The following CDC42BPA variants were observed in gnomAD, a reference collection of about 807,000 sequenced individuals.
CDC42BPA encodes the protein serine/threonine-protein kinase MRCK alpha.
A neutral mutation model predicts 223.5 loss-of-function variants in CDC42BPA; 80 were observed. The observed-to-expected ratio is 0.36, with a 90% CI of 0.30 to 0.43. The LOEUF (loss-of-function observed/expected upper bound fraction) is 0.43. CDC42BPA is among the 20% of genes least tolerant of loss of function. CDC42BPA has a pLI of 1.00. For missense variants in CDC42BPA, 1,743 were observed against 2,099.9 expected (o/e 0.83, Z 3.32); for synonymous variants, 694 against 718.6 (o/e 0.97, Z 0.55).
intron 12 of CDC42BPA, among the ~76,000 whole-genome samples, 154 bp from the exon 13 acceptor site, chr1:227,113,067 G>A (rs1203258595): frequency 2.0e-5 from 3 of 152,134 alleles, no homozygotes; most frequent in East Asian, 1.9e-4. Context: ...AGATATTAAC[G>A]GCATGGTGTC....
At chr1:227,148,211 T>C (rs984953430) in intron 6 of CDC42BPA, among the ~76,000 whole-genome samples, 5 of 152,250 alleles carry the variant, frequency 3.3e-5, no homozygotes, top group African/African-American at 1.2e-4. Flanking sequence ...TCCCAGCACT[T>C]TGGGAAGCCA....
At chr1:227,145,877 A>G (rs1660615864) in intron 7 of CDC42BPA, 140 bp from the exon 8 acceptor site, 1 of 609,670 alleles carries the variant, frequency 1.6e-6, no homozygotes. Context: ...TACTAATACT[A>G]AAGGAATACA....
At chr1:227,030,298 T>G in intron 29 of CDC42BPA, 110 bp downstream of exon 29, 4 of 667,116 alleles carry the variant, frequency 6.0e-6, no homozygotes, top group Non-Finnish European at 1.0e-5. Context: ...AAAATTTTAG[T>G]CGCAGGATAA....
In CDC42BPA at chr1:227,168,497, G is replaced by GTTTTTTTTTTTTGTTTTTTGTT. The variant is rs1553374261; in HGVS notation, c.600-7862_600-7861insAACAAAAAACAAAAAAAAAAAA. 8.7e-5 allele frequency among the ~76,000 whole-genome samples: 7 copies of GTTTTTTTTTTTTGTTTTTTGTT among 80,194 alleles called. 1 individual carries two copies. Among genetic ancestry groups the GTTTTTTTTTTTTGTTTTTTGTT allele is most frequent in the African/African-American group, 3.5e-4 (7 of 20,176 alleles). The allele number at this position is 80,194 out of a possible 152,430, so 52.6% of individuals were successfully genotyped here. ...CTTTTTCATATTTATCTTCCCTGGT[G>GTTTTTTTTTTTTGTTTTTTGTT]TTTTTTTTTTTTTTTTGAGGCAGAG... On this transcript the variant is annotated intron_variant, in intron 5 of 36. Transcript: ENST00000366766.
chr1:227,010,820 G>T, intron 34 of CDC42BPA: 1 of 1,086,940 alleles, frequency 9.2e-7, no homozygotes, highest in Non-Finnish European at 1.2e-6. Context: ...ATTAAGCCAG[G>T]CAAAAGGAAA....
intron 1 of CDC42BPA, among the ~76,000 whole-genome samples, chr1:227,300,272 C>T (rs978816036): frequency 6.6e-6 from 1 of 152,112 alleles, no homozygotes; most frequent in Non-Finnish European, 1.5e-5. Context: ...TTTTAAAGAA[C>T]TAAAAGTATA....
intron 3 of CDC42BPA, among the ~76,000 whole-genome samples, chr1:227,204,041 A>C (rs1167424728): frequency 6.6e-6 from 1 of 152,200 alleles, no homozygotes; most frequent in Non-Finnish European, 1.5e-5. Context: ...CTTATCATTT[A>C]GTAGGAATAA....
intron 34 of CDC42BPA, among the ~76,000 whole-genome samples, chr1:227,005,543 A>G (rs913611985): frequency 6.6e-6 from 1 of 152,218 alleles, no homozygotes; most frequent in African/African-American, 2.4e-5. Context: ...TCTCAAGAAA[A>G]TGTTTTATTG....
rs376321906 is a variant in CDC42BPA, at chr1:227,139,739, T to C, written c.1227A>G (p.Val409=). Residue 409 remains valine, a synonymous_variant, in exon 10 of 37, where the codon GTA becomes GTG. Transcript: ENST00000366766. ...CTCTTAAACAGCTCCGATCAGAAAG[T>C]ACACTGAAGAAAAGAAAAAAAAATG... The part of the protein sequence containing the change: ...FVGFTYTSSC[V]LSDRSCLRVT... 2 of 1,512,824 alleles carry C rather than the reference T, an allele frequency of 1.3e-6. No homozygotes were observed. Among genetic ancestry groups the C allele is most frequent in the Non-Finnish European group, 1.8e-6 (2 of 1,136,544 alleles). The allele number at this position is 1,512,824 out of a possible 1,614,324, so 93.7% of individuals were successfully genotyped here. A position where few individuals can be genotyped will look rare whatever the true frequency, so the allele number is the denominator to read the frequency against.
intron 1 of CDC42BPA, among the ~76,000 whole-genome samples, chr1:227,305,994 GA>G (rs1251881425): frequency 6.6e-6 from 1 of 151,994 alleles, no homozygotes; most frequent in Non-Finnish European, 1.5e-5. Flanking sequence ...ATAAAGTGAA[GA>G]AAAAGAGAAG....
At chr1:227,232,408 A>G (rs574236195) in intron 2 of CDC42BPA, among the ~76,000 whole-genome samples, 2 of 152,304 alleles carry the variant, frequency 1.3e-5, no homozygotes, top group South Asian at 4.1e-4. Flanking sequence ...GAAGTCAGGC[A>G]GCGTGATGCC....
intron 16 of CDC42BPA, among the ~76,000 whole-genome samples, chr1:227,088,098 A>G (rs1682340078): frequency 6.6e-6 from 1 of 152,188 alleles, no homozygotes; most frequent in Admixed American, 6.5e-5. Flanking sequence ...ATTATTACCA[A>G]ATAAAAGCAT....
At chr1:227,179,635 C>CAA (rs59744442) in intron 5 of CDC42BPA, among the ~76,000 whole-genome samples, 400 of 34,240 alleles carry the variant, frequency 0.012, 114 homozygotes, top group South Asian at 0.039. Context: ...GCCTCCATCT[C>CAA]AAAAAAAAAA....
intron 4 of CDC42BPA, among the ~76,000 whole-genome samples, chr1:227,197,048 A>C (rs976017844): frequency 6.6e-6 from 1 of 152,208 alleles, no homozygotes; most frequent in African/African-American, 2.4e-5. Flanking sequence ...ACACACAAAA[A>C]GTCTACTTGC....
At chr1:227,069,947 A>G in intron 20 of CDC42BPA, 94 bp from the exon 21 acceptor site, 4 of 743,818 alleles carry the variant, frequency 5.4e-6, no homozygotes, top group Non-Finnish European at 9.1e-6. Context: ...AAAGCAGTTC[A>G]CAAACTACTG....
At chr1:227,289,486 C>G (rs1572885451) in intron 1 of CDC42BPA, among the ~76,000 whole-genome samples, 1 of 152,314 alleles carries the variant, frequency 6.6e-6, no homozygotes, top group South Asian at 2.1e-4. Flanking sequence ...ACCCAAAACA[C>G]TCTGTCACAG....
intron 1 of CDC42BPA, among the ~76,000 whole-genome samples, chr1:227,293,932 T>C (rs1181930358): frequency 3.9e-5 from 6 of 152,188 alleles, no homozygotes; most frequent in African/African-American, 1.4e-4. Context: ...CAGTTTATAA[T>C]AGCATTATTT....
chr1:227,017,219 A>C (rs963933733), intron 32 of CDC42BPA, among the ~76,000 whole-genome samples, 169 bp from the exon 33 acceptor site: 1 of 152,234 alleles, frequency 6.6e-6, no homozygotes, highest in Non-Finnish European at 1.5e-5. Flanking sequence ...GAACCTATGT[A>C]AACAGATAAT....
intron 23 of CDC42BPA, among the ~76,000 whole-genome samples, chr1:227,042,762 A>G (rs925783366): frequency 1.3e-5 from 2 of 152,150 alleles, no homozygotes; most frequent in African/African-American, 4.8e-5. Context: ...AAAAAAATGA[A>G]AAGAAAAAAA....
Sources: allele counts gnomAD v4.1 joint callset (sites outside exome capture counted in the v4.1 genomes callset), GRCh38; gene constraint gnomAD v4.1.1; transcripts MANE v1.5; gene names NCBI Gene and HGNC (gene_info 2026-07-23, HGNC 2026-07-21).